Variants in MAPK10 observed in about 807,000 individuals in gnomAD.
MAPK10 encodes mitogen-activated protein kinase 10.
A neutral mutation model predicts 59.3 loss-of-function variants in MAPK10; 25 were observed. The ratio of observed to expected loss-of-function variants is 0.42; its 90% CI spans 0.31 to 0.59. MAPK10 has a LOEUF of 0.59. MAPK10 is among the 20% of genes least tolerant of loss of function. The pLI is 0.15. For missense variants in MAPK10, 351 were observed against 568.9 expected, an observed-to-expected ratio of 0.62 and a Z score of 3.90; for synonymous variants, 190 against 200.5, an observed-to-expected ratio of 0.95 and a Z score of 0.44.
intron 4 of MAPK10, among the ~76,000 whole-genome samples, chr4:86,157,002 C>T (rs1465542414): frequency 2.0e-5 from 3 of 151,928 alleles, no homozygotes; most frequent in African/African-American, 7.2e-5. Context: ...TCATTTTTTT[C>T]CAATATTTCA....
In MAPK10 at chr4:86,356,502, A is replaced by G. The variant is rs1443890230; in HGVS notation, c.-121-1858T>C. On this transcript the variant is annotated intron_variant, in intron 1 of 13. Coordinates refer to ENST00000641462, the MANE Select transcript of MAPK10 (RefSeq NM_138982.4). ...AAGAGTTTCTACCAAGATTCACAAT[A>G]AGAAATACAGCTTCTCCCTATTAAA... 3 of 918,758 alleles carry G rather than the reference A, an allele frequency of 3.3e-6. No individual in the cohort carries two copies. In the East Asian group the frequency reaches 3.5e-4, roughly 108 times the overall value. The allele number at this position is 918,758 out of a possible 1,614,324, so 56.9% of individuals were successfully genotyped here.
intron 1 of MAPK10, among the ~76,000 whole-genome samples, chr4:86,417,950 C>T (rs1263786702): frequency 2.0e-5 from 3 of 152,192 alleles, no homozygotes; most frequent in African/African-American, 7.2e-5. Flanking sequence ...ACAAAGCTAT[C>T]CCTTTGTTTC....
chr4:86,203,744 T>C (rs1465397092), intron 2 of MAPK10, among the ~76,000 whole-genome samples: 2 of 150,842 alleles, frequency 1.3e-5, no homozygotes, highest in African/African-American at 4.9e-5. Context: ...CAAGCTGTCA[T>C]AGACACACTC....
At chr4:86,104,276 A>T (rs974915258) in intron 5 of MAPK10, among the ~76,000 whole-genome samples, 43 of 152,168 alleles carry the variant, frequency 2.8e-4, no homozygotes, top group Admixed American at 3.3e-4. Context: ...CCACAGTACC[A>T]TCCAATATTT....
rs368234116 is a variant in MAPK10, at chr4:86,160,146, A to G, written c.67-679T>C. The G allele has an allele frequency of 7.9e-5, 12 of 152,024 alleles. No individual in the cohort carries two copies. The East Asian group carries it at 2.3e-3, about 29-fold the overall frequency. The allele number at this position is 152,024 out of a possible 1,614,324, so 9.4% of individuals were successfully genotyped here. On this transcript the variant is annotated intron_variant, in intron 3 of 13. Coordinates refer to ENST00000641462, the MANE Select transcript of MAPK10 (RefSeq NM_138982.4). ...AAATATCTTAATTGTTGCATTTTTT[A>G]TTTTTAAGAGAAGTTCATCTATCAA...
At chr4:86,241,748 T>C (rs1050457719) in intron 2 of MAPK10, among the ~76,000 whole-genome samples, 8 of 152,222 alleles carry the variant, frequency 5.3e-5, no homozygotes, top group Admixed American at 3.9e-4. Context: ...TCAAGGTTCT[T>C]GGCTTCTTTG....
intron 3 of MAPK10, among the ~76,000 whole-genome samples, chr4:86,184,914 A>AG (rs1469098699): frequency 6.6e-6 from 1 of 152,172 alleles, no homozygotes; most frequent in African/African-American, 2.4e-5. Flanking sequence ...ACCCTATGTC[A>AG]GATACTATTG....
intron 1 of MAPK10, among the ~76,000 whole-genome samples, chr4:86,367,039 G>A (rs1318898881): frequency 1.3e-5 from 2 of 152,176 alleles, no homozygotes; most frequent in African/African-American, 2.4e-5. Flanking sequence ...GAAGTTGAGA[G>A]ATAGCAACTG....
chr4:86,115,027 C>G (rs56724302), intron 4 of MAPK10, among the ~76,000 whole-genome samples: 7,506 of 152,284 alleles, frequency 0.049, 621 homozygotes, highest in African/African-American at 0.17. Flanking sequence ...ACACCAGCAG[C>G]GTAAAATGGC....
chr4:86,581,904 T>C (rs907153402), intron 1 of MAPK10, among the ~76,000 whole-genome samples: 1 of 1,420 alleles, frequency 7.0e-4, no homozygotes, highest in African/African-American at 2.0e-3. Context: ...ATATATTATA[T>C]ATATATATAT....
chr4:86,381,478 C>T (rs1160394294), intron 1 of MAPK10, among the ~76,000 whole-genome samples: 2 of 152,168 alleles, frequency 1.3e-5, no homozygotes, highest in Non-Finnish European at 2.9e-5. Flanking sequence ...CCTTCACTGA[C>T]TCCTGGGACC....
In MAPK10 at chr4:86,098,606, A is replaced by G. The variant is rs761750171; in HGVS notation, c.731-11T>C. On this transcript the variant is annotated splice_polypyrimidine_tract_variant and intron_variant, in intron 8 of 13. Coordinates refer to ENST00000641462, the MANE Select transcript of MAPK10 (RefSeq NM_138982.4). ...CAGACCATATATCCACTAGAACAGG[A>G]GAGAGAGGGTAGTGAAGAAAAGGGA... 1.9e-5 allele frequency: 30 copies of G among 1,597,732 alleles called. No individual in the cohort carries two copies. The highest frequency in any genetic ancestry group is 2.6e-5 in the Non-Finnish European group (30 of 1,165,574).
At chr4:86,023,848 T>TATATATATATAA (rs1748743932) in intron 13 of MAPK10, 1 of 104,732 alleles carries the variant, frequency 9.5e-6, no homozygotes, top group African/African-American at 3.8e-5. Flanking sequence ...TATATATATA[T>TATATATATATAA]ATAAAATGAA....
intron 2 of MAPK10, among the ~76,000 whole-genome samples, chr4:86,243,997 TAA>T (rs1322197150): frequency 6.6e-6 from 1 of 152,118 alleles, no homozygotes; most frequent in East Asian, 1.9e-4. Flanking sequence ...TGAGTAACAC[TAA>T]GTGGCACACA....
intron 2 of MAPK10, among the ~76,000 whole-genome samples, chr4:86,206,988 T>C (rs925571152): frequency 1.3e-5 from 2 of 151,942 alleles, no homozygotes; most frequent in Non-Finnish European, 2.9e-5. Flanking sequence ...TTCTCCCATT[T>C]TGTAGGTTGC....
chr4:86,444,848 G>A (rs1371029528), intron 1 of MAPK10, among the ~76,000 whole-genome samples: 1 of 152,136 alleles, frequency 6.6e-6, no homozygotes, highest in Non-Finnish European at 1.5e-5. Context: ...TTAGAGAAAT[G>A]CAAATCAAAA....
At chr4:86,252,534 C>A (rs1221894685) in intron 2 of MAPK10, among the ~76,000 whole-genome samples, 1 of 142,480 alleles carries the variant, frequency 7.0e-6, no homozygotes, top group East Asian at 2.0e-4. Flanking sequence ...TGATCTATAT[C>A]TCTGTTTTGG....
intron 2 of MAPK10, among the ~76,000 whole-genome samples, chr4:86,293,481 AC>A (rs1029380847): frequency 3.3e-5 from 5 of 152,108 alleles, no homozygotes; most frequent in Admixed American, 1.3e-4. Flanking sequence ...CCCTGCTTAT[AC>A]CCCCTTGGCT....
chr4:86,461,610 C>G (rs764307111), intron 1 of MAPK10, among the ~76,000 whole-genome samples: 1 of 152,126 alleles, frequency 6.6e-6, no homozygotes, highest in Non-Finnish European at 1.5e-5. Context: ...GGAACCTTTT[C>G]ACACTGATGA....
Sources: allele counts gnomAD v4.1 joint callset (sites outside exome capture counted in the v4.1 genomes callset), GRCh38; gene constraint gnomAD v4.1.1; transcripts MANE v1.5; gene names NCBI Gene and HGNC (gene_info 2026-07-23, HGNC 2026-07-21).